The following GABRB1 variants were observed in gnomAD, a reference collection of about 807,000 sequenced individuals.
The protein encoded by GABRB1 is gamma-aminobutyric acid type A receptor subunit beta1.
GABRB1 carries 17 observed loss-of-function variants against 51.6 expected under a neutral mutation model. The observed-to-expected ratio is 0.33, with a 90% CI of 0.23 to 0.49. The LOEUF (loss-of-function observed/expected upper bound fraction) is 0.49. Among genes scored for constraint, GABRB1 ranks in the 20% least tolerant of loss-of-function variants. The probability of loss-of-function intolerance (pLI) is 0.99; values close to 1 mark genes in which losing one functional copy is unlikely to be tolerated. For missense variants in GABRB1, 410 were observed against 600.6 expected (o/e 0.68, Z 3.32); for synonymous variants, 247 against 218.9 (o/e 1.13, Z -1.14).
intron 1 of GABRB1, among the ~76,000 whole-genome samples, chr4:47,011,894 C>G (rs1212848132): frequency 1.3e-5 from 2 of 151,826 alleles, no homozygotes; most frequent in African/African-American, 4.8e-5. Flanking sequence ...TTTCCAAATA[C>G]AGGAAAAAAA....
At chr4:47,162,068 C>G (rs943952982) in intron 4 of GABRB1, among the ~76,000 whole-genome samples, 1 of 151,952 alleles carries the variant, frequency 6.6e-6, no homozygotes, top group African/African-American at 2.4e-5. Context: ...GCAAAATGAT[C>G]TTTGAAATTT....
chr4:47,162,778 T>C (rs1365237399), intron 4 of GABRB1, among the ~76,000 whole-genome samples: 1 of 152,088 alleles, frequency 6.6e-6, no homozygotes, highest in African/African-American at 2.4e-5. Context: ...TATTTTCAGG[T>C]TGTGCACCAC....
At chr4:47,094,480 C>T (rs1714296856) in intron 3 of GABRB1, among the ~76,000 whole-genome samples, 1 of 151,880 alleles carries the variant, frequency 6.6e-6, no homozygotes, top group Admixed American at 6.6e-5. Flanking sequence ...GCCTCGGCCT[C>T]CCAAAGTACT....
At chr4:47,360,294 A>G (rs141055715) in intron 5 of GABRB1, among the ~76,000 whole-genome samples, 317 of 152,168 alleles carry the variant, frequency 2.1e-3, no homozygotes, top group African/African-American at 7.4e-3. Flanking sequence ...TTGAAAACCT[A>G]AGAAATAACT....
At chr4:47,405,702 G>T (rs1189536322) in intron 7 of GABRB1, among the ~76,000 whole-genome samples, 3 of 152,036 alleles carry the variant, frequency 2.0e-5, no homozygotes, top group Non-Finnish European at 4.4e-5. Flanking sequence ...ATTTATAACT[G>T]TAAGTGTTTA....
intron 5 of GABRB1, among the ~76,000 whole-genome samples, chr4:47,328,560 G>A (rs182237343): frequency 6.4e-4 from 97 of 152,256 alleles, no homozygotes; most frequent in African/African-American, 2.2e-3. Flanking sequence ...AATGTGGCAC[G>A]TATTCACAAT....
At chr4:47,078,624 G>A (rs1033529518) in intron 3 of GABRB1, among the ~76,000 whole-genome samples, 2 of 152,092 alleles carry the variant, frequency 1.3e-5, no homozygotes, top group African/African-American at 4.8e-5. Context: ...TTTCTTACGA[G>A]ATTACTTTGA....
intron 3 of GABRB1, among the ~76,000 whole-genome samples, chr4:47,144,545 A>G (rs1302679048): frequency 2.0e-5 from 3 of 152,034 alleles, no homozygotes; most frequent in Non-Finnish European, 4.4e-5. Context: ...TGTTGAACAC[A>G]TAATTGTACA....
intron 4 of GABRB1, among the ~76,000 whole-genome samples, chr4:47,199,320 C>T (rs1222522859): frequency 6.6e-6 from 1 of 152,134 alleles, no homozygotes; most frequent in East Asian, 1.9e-4. Flanking sequence ...TTTGCTAGTG[C>T]CTCTGACAAC....
chr4:47,407,472 A>G (rs1320660057), intron 8 of GABRB1, among the ~76,000 whole-genome samples: 1 of 152,228 alleles, frequency 6.6e-6, no homozygotes, highest in Non-Finnish European at 1.5e-5. Flanking sequence ...TCTCATTGGT[A>G]CATCTTATAA....
Position 47,210,588 on chromosome 4 carries a change from C to T in GABRB1, c.461+49119C>T, listed in dbSNP as rs145620593. On this transcript the variant is annotated intron_variant, in intron 4 of 8. Coordinates refer to ENST00000295454, the MANE Select transcript of GABRB1 (RefSeq NM_000812.4). ...CACTATTAGAGACTATTAATTTTAACAATTTCTGAATAAATAAAATATAAT... is the reference window on the plus strand; with the variant it reads ...CACTATTAGAGACTATTAATTTTAATAATTTCTGAATAAATAAAATATAAT... 2.1e-3 allele frequency among the ~76,000 whole-genome samples: 327 copies of T among 152,158 alleles called. 1 individual carries two copies. Among genetic ancestry groups the T allele is most frequent in the Non-Finnish European group, 3.5e-3 (237 of 67,994 alleles).
At chr4:47,249,585 T>C (rs1233985551) in intron 4 of GABRB1, among the ~76,000 whole-genome samples, 3 of 152,092 alleles carry the variant, frequency 2.0e-5, no homozygotes, top group Non-Finnish European at 4.4e-5. Context: ...CTATTAGTAA[T>C]TGTTTTATAA....
chr4:47,198,776 T>C (rs911362533), intron 4 of GABRB1, among the ~76,000 whole-genome samples: 2 of 152,174 alleles, frequency 1.3e-5, no homozygotes, highest in East Asian at 1.9e-4. Flanking sequence ...TGGTAGTTTA[T>C]AAAAGAAAGA....
At chr4:47,355,396 G>C (rs728294) in intron 5 of GABRB1, among the ~76,000 whole-genome samples, 2 of 151,642 alleles carry the variant, frequency 1.3e-5, no homozygotes, top group African/African-American at 4.9e-5. Context: ...GAATTCATTC[G>C]CTCTCATCTT....
intron 3 of GABRB1, among the ~76,000 whole-genome samples, chr4:47,139,792 A>T (rs1716836192): frequency 1.3e-5 from 2 of 152,036 alleles, no homozygotes; most frequent in African/African-American, 4.8e-5. Context: ...ATGAAAATTC[A>T]GTAGGCCTAG....
At chr4:47,246,093 A>T (rs1446989785) in intron 4 of GABRB1, among the ~76,000 whole-genome samples, 2 of 148,092 alleles carry the variant, frequency 1.4e-5, no homozygotes, top group African/African-American at 4.9e-5. Context: ...AAGTCCCCAC[A>T]GTCCATTGTA....
intron 4 of GABRB1, among the ~76,000 whole-genome samples, chr4:47,316,439 A>T (rs1578089028): frequency 1.3e-5 from 2 of 152,096 alleles, no homozygotes; most frequent in South Asian, 4.1e-4. Flanking sequence ...CTAATATCCC[A>T]TTGTCCATAT....
chr4:47,359,799 A>G (rs991602145), intron 5 of GABRB1, among the ~76,000 whole-genome samples: 3 of 152,088 alleles, frequency 2.0e-5, no homozygotes, highest in African/African-American at 7.2e-5. Context: ...CCAAACCTAC[A>G]CATTCCATTT....
At chr4:47,261,692 CT>C (rs1722444342) in intron 4 of GABRB1, among the ~76,000 whole-genome samples, 1 of 151,944 alleles carries the variant, frequency 6.6e-6, no homozygotes, top group African/African-American at 2.4e-5. Flanking sequence ...GAAAAAACTA[CT>C]TTAAAGTTCA....
Sources: gnomAD v4.1 joint callset for allele counts (sites outside exome capture counted in the v4.1 genomes callset) on GRCh38, gnomAD v4.1.1 for gene constraint, MANE v1.5 for transcripts, NCBI Gene and HGNC (gene_info 2026-07-23, HGNC 2026-07-21) for gene names.